Variants in CELA3B observed in about 807,000 individuals in gnomAD.
The protein encoded by CELA3B is chymotrypsin like elastase 3B.
CELA3B carries 34 observed loss-of-function variants against 37.2 expected under a neutral mutation model. The ratio of observed to expected loss-of-function variants is 0.91; its 90% confidence interval spans 0.70 to 1.22. The LOEUF is 1.22. Among genes scored for constraint, CELA3B ranks in the 50% most tolerant of loss-of-function variants. CELA3B has a pLI of 0.00. For missense variants in CELA3B, 340 were observed against 363.1 expected, an observed-to-expected ratio of 0.94 and a Z score of 0.52; for synonymous variants, 127 against 143.5, an observed-to-expected ratio of 0.89 and a Z score of 0.82.
rs962336719 is a variant in CELA3B, at chr1:21,997,503, T to C, written c.505-648T>C. ...AGGAGTTTGAGAACAGCCTGGCCAA[T>C]GTGGTGAAACCCTGCCTCTACTAAA... On this transcript the variant is annotated intron_variant, in intron 4 of 4. Coordinates refer to the CELA3B transcript ENST00000400277. 6.0e-5 allele frequency among the ~76,000 whole-genome samples: 9 copies of C among 149,824 alleles called. 1 individual carries two copies. Among genetic ancestry groups the C allele is most frequent in the Non-Finnish European group, 1.3e-4 (9 of 67,700 alleles).
chr1:21,997,432 T>C (rs1315328881), intron 4 of CELA3B, among the ~76,000 whole-genome samples: 1 of 148,320 alleles, frequency 6.7e-6, no homozygotes, highest in Admixed American at 6.7e-5. Context: ...CTCACGACTG[T>C]AATCCCACAC....
exon 5 of CELA3B, chr1:21,998,179 C>T (rs554897574): frequency 2.3e-5 from 11 of 470,290 alleles, no homozygotes; most frequent in Admixed American, 2.1e-4. Flanking sequence ...GCACCAGAGT[C>T]CCGGACTTAG....
At chr1:21,995,318 T>C (rs1167798406) in intron 4 of CELA3B, among the ~76,000 whole-genome samples, 1 of 150,740 alleles carries the variant, frequency 6.6e-6, no homozygotes, top group Non-Finnish European at 1.5e-5. Context: ...TTTGTATTTT[T>C]AGTAAAGACG....
At chr1:21,984,128 C>A (rs1644823067) in intron 5 of CELA3B, 61 bp from the exon 6 acceptor site, 2 of 1,562,962 alleles carry the variant, frequency 1.3e-6, no homozygotes, top group East Asian at 4.5e-5. Flanking sequence ...ATGCCCCCTT[C>A]CTCTGGGGCT....
intron 4 of CELA3B, among the ~76,000 whole-genome samples, chr1:21,996,696 T>G (rs10917106): frequency 1.3e-5 from 2 of 150,404 alleles, no homozygotes; most frequent in Non-Finnish European, 3.0e-5. Flanking sequence ...TCCTGTAACA[T>G]CGGGAAGGTA....
chr1:21,985,369 C>G (rs1644831425), intron 6 of CELA3B, among the ~76,000 whole-genome samples: 1 of 151,690 alleles, frequency 6.6e-6, no homozygotes, highest in Admixed American at 6.6e-5. Flanking sequence ...CCTTGCCCTC[C>G]TGGGCTCAAG....
intron 6 of CELA3B, among the ~76,000 whole-genome samples, chr1:21,985,280 CTTT>C (rs550752207): frequency 2.1e-5 from 3 of 145,582 alleles, no homozygotes; most frequent in African/African-American, 2.5e-5. Context: ...AAGATGTTGT[CTTT>C]TTTTTTTTTT....
At chr1:21,982,163 C>A (rs558626339) in intron 4 of CELA3B, among the ~76,000 whole-genome samples, 6 of 152,288 alleles carry the variant, frequency 3.9e-5, no homozygotes, top group African/African-American at 1.4e-4. Context: ...CTCAACCCAT[C>A]TTCACAGGGC....
At chr1:21,994,087 C>T (rs1168760335), downstream of CELA3B, among the ~76,000 whole-genome samples, 2 of 151,680 alleles carry the variant, frequency 1.3e-5, no homozygotes, top group Non-Finnish European at 2.9e-5. Flanking sequence ...GCCTGCCCTG[C>T]AGGAATCTCC....
Position 21,986,652 on chromosome 1 carries a change from G to C in CELA3B, c.764G>C (p.Arg255Pro), listed in dbSNP as rs140718049. The change falls in exon 7 of 8, where the codon CGA becomes CCA. Residue 255 changes from arginine (R) to proline (P), a missense_variant. Coordinates refer to ENST00000337107, the MANE Select transcript of CELA3B (RefSeq NM_007352.4). ...CGCAGGAAGCCCACGGTGTTCACTC[G>C]AGTCTCCGCCTTCATTGACTGGATT... ...NTRRKPTVFT[R>P]VSAFIDWIEE... The C allele has an allele frequency of 1.1e-5, 17 of 1,613,750 alleles. No homozygotes were observed. In the African/African-American group the frequency reaches 2.0e-4, roughly 19 times the overall value.
At chr1:21,985,799 G>A (rs1197623304) in intron 6 of CELA3B, among the ~76,000 whole-genome samples, 1 of 152,084 alleles carries the variant, frequency 6.6e-6, no homozygotes, top group East Asian at 1.9e-4. Context: ...GCTGAGGCAG[G>A]AGAATGGTGT....
At position 21,995,182 on chromosome 1, in the gene CELA3B, C is replaced by T. The variant is rs1347004937; in HGVS notation, c.505-2969C>T. ...TTTTTGAGACAGAGTCTTGCTCTGT[C>T]ACCCAGGCTGGAGTGCAGTGGCATG... On this transcript the variant is annotated intron_variant, in intron 4 of 4. Transcript: ENST00000400277. Among the ~76,000 whole-genome samples the T allele has an allele frequency of 5.1e-5, 7 of 136,584 alleles. 1 individual carries two copies. The East Asian group carries it at 1.1e-3, about 21-fold the overall frequency. The allele number at this position is 136,584 out of a possible 152,430, so 89.6% of individuals were successfully genotyped here.
intron 6 of CELA3B, among the ~76,000 whole-genome samples, chr1:21,985,638 T>A (rs183713485): frequency 0.038 from 5,665 of 150,394 alleles, 125 homozygotes; most frequent in Non-Finnish European, 0.048. Flanking sequence ...ATGCCTGTAA[T>A]CCCAGCACTT....
intron 4 of CELA3B, among the ~76,000 whole-genome samples, chr1:21,982,215 G>A (rs10917096): frequency 0.9 from 137,506 of 152,080 alleles, 62,972 homozygotes; most frequent in Non-Finnish European, 0.98. Flanking sequence ...CAGACAAAAG[G>A]ACTGGAGTGA....
At chr1:21,986,115 C>T (rs34533093) in intron 6 of CELA3B, among the ~76,000 whole-genome samples, 131,696 of 147,542 alleles carry the variant, frequency 0.89, 59,224 homozygotes, top group Middle Eastern at 0.96. Context: ...GGCTCACACC[C>T]ATAATCCCTT....
intron 4 of CELA3B, among the ~76,000 whole-genome samples, chr1:21,996,946 G>A (rs186248095): frequency 1.3e-5 from 2 of 151,448 alleles, no homozygotes; most frequent in African/African-American, 4.9e-5. Flanking sequence ...GGGAAATGTT[G>A]ACCTGTAGTC....
At chr1:21,981,788 C>T (rs528096446) in intron 4 of CELA3B, among the ~76,000 whole-genome samples, 10 of 151,676 alleles carry the variant, frequency 6.6e-5, no homozygotes, top group African/African-American at 1.5e-4. Flanking sequence ...TACAGTGGCA[C>T]GATCTCGGCT....
intron 4 of CELA3B, among the ~76,000 whole-genome samples, chr1:21,995,042 T>C (rs1325062636): frequency 6.7e-6 from 1 of 148,594 alleles, no homozygotes; most frequent in East Asian, 2.0e-4. Flanking sequence ...TTGTTTCACT[T>C]AGGCAGAGTG....
intron 6 of CELA3B, among the ~76,000 whole-genome samples, chr1:21,985,903 A>G (rs1255956207): frequency 1.9e-5 from 1 of 52,710 alleles, no homozygotes; most frequent in Non-Finnish European, 3.9e-5. Flanking sequence ...AAAAAAAAAG[A>G]ATACTATCAA....
Sources: allele counts gnomAD v4.1 joint callset (sites outside exome capture counted in the v4.1 genomes callset), GRCh38; gene constraint gnomAD v4.1.1; transcripts MANE v1.5; gene names NCBI Gene and HGNC (gene_info 2026-07-23, HGNC 2026-07-21).